TRIM37: variants seen among roughly 807,000 people sequenced by gnomAD.
The protein encoded by TRIM37 is tripartite motif containing 37.
TRIM37 carries 80 observed loss-of-function variants against 129.8 expected under a neutral mutation model. The ratio of observed to expected loss-of-function variants is 0.62; its 90% CI spans 0.51 to 0.74. The LOEUF is 0.74. TRIM37 is among the 30% of genes least tolerant of loss of function. The pLI is 0.00. For missense variants in TRIM37, 1,054 were observed against 1,176.5 expected, an observed-to-expected ratio of 0.90 and a Z score of 1.52; for synonymous variants, 389 against 387.1, an observed-to-expected ratio of 1.00 and a Z score of -0.06.
intron 8 of TRIM37, among the ~76,000 whole-genome samples, chr17:59,071,817 AT>A (rs539329032): frequency 1.2e-3 from 190 of 152,210 alleles, no homozygotes; most frequent in Non-Finnish European, 2.5e-3. Context: ...GTAACTCCCA[AT>A]TCTGCCACTG....
In TRIM37 at chr17:59,106,416, A is replaced by G. The variant is rs192722877; in HGVS notation, c.21+25T>C. The stretch of plus-strand genomic sequence containing the variant: ...GCTCATCGGGTGGGGGCGGGGACTA[A>G]CCACCACCCTCACAACCCCCTCACC... On this transcript the variant is annotated intron_variant, in intron 1 of 23. Transcript: ENST00000262294. The G allele has an allele frequency of 1.4e-4, 234 of 1,613,854 alleles. No individual in the cohort carries two copies. The highest frequency in any genetic ancestry group is 1.4e-3 in the Admixed American group (86 of 60,002).
Position 59,030,580 on chromosome 17 carries a change from A to T in TRIM37, c.1948+1316T>A, listed in dbSNP as rs181446871. ...TTGAAATTCAGATCATCTCATTTGT[A>T]TTGTTTTTACACAGAAAACTAGTTT... On this transcript the variant is annotated intron_variant, in intron 18 of 23. Coordinates refer to ENST00000262294, the MANE Select transcript of TRIM37 (RefSeq NM_015294.6). 2.6e-5 allele frequency among the ~76,000 whole-genome samples: 4 copies of T among 152,202 alleles called. No individual in the cohort carries two copies. The East Asian group carries it at 7.7e-4, about 29-fold the overall frequency.
intron 2 of TRIM37, among the ~76,000 whole-genome samples, chr17:59,093,558 C>T (rs1297345873): frequency 6.6e-6 from 1 of 152,222 alleles, no homozygotes; most frequent in Non-Finnish European, 1.5e-5. Context: ...CAGCAACCTA[C>T]ACTTCCCCCT....
chr17:59,025,992 A>G (rs1218852874), intron 19 of TRIM37, among the ~76,000 whole-genome samples: 4 of 152,176 alleles, frequency 2.6e-5, no homozygotes, highest in African/African-American at 9.7e-5. Flanking sequence ...AGAGAATTCT[A>G]TATATTTTGC....
intron 8 of TRIM37, among the ~76,000 whole-genome samples, chr17:59,073,818 A>T (rs2042586479): frequency 6.6e-6 from 1 of 152,198 alleles, no homozygotes; most frequent in Admixed American, 6.5e-5. Flanking sequence ...CAGGATCATC[A>T]ATATCACCAC....
At chr17:58,980,776 C>T (rs774078556), downstream of TRIM37, 4 of 1,614,008 alleles carry the variant, frequency 2.5e-6, no homozygotes, top group Non-Finnish European at 3.4e-6. The surrounding 1 kb of genome is among the most constrained non-coding windows in gnomAD (Gnocchi z 4.7). Flanking sequence ...CTCATTTACG[C>T]CACCACTACT....
intron 12 of TRIM37, 22 bp from the exon 13 acceptor site, chr17:59,057,076 T>C: frequency 6.2e-7 from 1 of 1,606,604 alleles, no homozygotes; most frequent in Non-Finnish European, 8.5e-7. Context: ...AAACAGACCA[T>C]TACTATACAG....
At position 58,999,314 on chromosome 17, in the gene TRIM37, G is replaced by T; in HGVS notation, c.*63C>A. On this transcript the variant is annotated 3_prime_UTR_variant, in exon 24 of 24. Coordinates refer to ENST00000262294, the MANE Select transcript of TRIM37 (RefSeq NM_015294.6). The stretch of plus-strand genomic sequence containing the variant: ...ATTATCTGACTGATGACAAATTTGA[G>T]CACCAACTACAGCAAAATTCAGGGT... The T allele has an allele frequency of 6.2e-7, 1 of 1,612,078 alleles. No homozygotes were observed. The highest frequency in any genetic ancestry group is 8.5e-7 in the Non-Finnish European group (1 of 1,179,202).
intron 24 of TRIM37, among the ~76,000 whole-genome samples, chr17:58,990,549 T>G (rs2060134460): frequency 6.7e-6 from 1 of 149,778 alleles, no homozygotes; most frequent in Non-Finnish European, 1.5e-5. Flanking sequence ...TCCCAGCACT[T>G]TGGGAGGCTG....
At chr17:59,104,189 G>C in intron 2 of TRIM37, 104 bp downstream of exon 2, 1 of 1,089,898 alleles carries the variant, frequency 9.2e-7, no homozygotes, top group Non-Finnish European at 1.4e-6. Flanking sequence ...GTGCAAGCAA[G>C]CACTTTAGGG....
At chr17:59,053,281 A>T (rs2040523597) in intron 13 of TRIM37, among the ~76,000 whole-genome samples, 3 of 152,224 alleles carry the variant, frequency 2.0e-5, no homozygotes, top group African/African-American at 7.2e-5. Context: ...AAAGCCTTAA[A>T]TAACTTTCTA....
At chr17:59,080,450 G>A (rs1178866062) in intron 6 of TRIM37, among the ~76,000 whole-genome samples, 7 of 152,306 alleles carry the variant, frequency 4.6e-5, no homozygotes, top group South Asian at 2.1e-4. Flanking sequence ...TCCAAAGAGT[G>A]TATAACTTAA....
intron 24 of TRIM37, among the ~76,000 whole-genome samples, chr17:58,992,590 G>T (rs1783308206): frequency 6.6e-6 from 1 of 152,048 alleles, no homozygotes; most frequent in African/African-American, 2.4e-5. Flanking sequence ...ATGTTGGTCA[G>T]GCTGGTCTCG....
At chr17:58,967,519 T>TATATAG in the TRIM37 span, among the ~76,000 whole-genome samples, 8 of 145,176 alleles carry the variant, frequency 5.5e-5, no homozygotes, top group East Asian at 5.9e-4. Context: ...TATATATATA[T>TATATAG]AGAGAGAGAG....
At chr17:59,021,495 G>C (rs1371874907) in intron 19 of TRIM37, among the ~76,000 whole-genome samples, 2 of 152,158 alleles carry the variant, frequency 1.3e-5, no homozygotes, top group Non-Finnish European at 2.9e-5. Context: ...GGTGGAACTG[G>C]AGATCGTTAT....
chr17:59,091,545 AATATATTATACAT>A (rs1568230390), intron 2 of TRIM37, among the ~76,000 whole-genome samples: 1 of 14,642 alleles, frequency 6.8e-5, no homozygotes, highest in Admixed American at 9.0e-4. Flanking sequence ...AATAATGTAT[AATATATTATACAT>A]TATATATATA....
chr17:58,969,864 G>T, the TRIM37 span: 5 of 821,720 alleles, frequency 6.1e-6, 1 homozygote, highest in South Asian at 9.1e-5. Flanking sequence ...CACAGTATTG[G>T]ATTCTGTTGT....
intron 12 of TRIM37, among the ~76,000 whole-genome samples, chr17:59,060,327 A>G (rs1368722760): frequency 2.7e-5 from 4 of 150,514 alleles, no homozygotes; most frequent in African/African-American, 9.8e-5. Context: ...TTGTTTCATG[A>G]GGTCTTTTTT....
intron 12 of TRIM37, among the ~76,000 whole-genome samples, chr17:59,058,791 G>A (rs1213330556): frequency 6.6e-6 from 1 of 152,174 alleles, no homozygotes; most frequent in East Asian, 1.9e-4. Flanking sequence ...CTGGGCCCAG[G>A]AGGTTGAGGC....
Sources: gnomAD v4.1 joint callset for allele counts (sites outside exome capture counted in the v4.1 genomes callset) on GRCh38, gnomAD v4.1.1 for gene constraint, Gnocchi (gnomAD v3.1) non-coding constraint, MANE v1.5 for transcripts, NCBI Gene and HGNC (gene_info 2026-07-23, HGNC 2026-07-21) for gene names.